The following TMEM132B variants were observed in gnomAD, a reference collection of about 807,000 sequenced individuals.
TMEM132B encodes transmembrane protein 132B.
TMEM132B carries 18 observed loss-of-function variants against 90.8 expected under a neutral mutation model. The observed-to-expected ratio is 0.20, with a 90% CI of 0.14 to 0.29. The LOEUF is 0.29. TMEM132B is among the 10% of genes least tolerant of loss of function. The probability of loss-of-function intolerance (pLI) is 1.00; values close to 1 mark genes in which losing one functional copy is unlikely to be tolerated. For synonymous variants in TMEM132B, 504 were observed against 523.3 expected (o/e 0.96, Z 0.50); for missense variants, 1,096 against 1,326.8 (o/e 0.83, Z 2.70).
At chr12:125,269,128 C>T (rs1565987916) in intron 1 of TMEM132B, among the ~76,000 whole-genome samples, 1 of 152,226 alleles carries the variant, frequency 6.6e-6, no homozygotes, top group African/African-American at 2.4e-5. Context: ...TTCCCAGATA[C>T]ACCTCTGATT....
chr12:125,272,578 A>C (rs925742802), intron 1 of TMEM132B, among the ~76,000 whole-genome samples: 6 of 152,212 alleles, frequency 3.9e-5, no homozygotes, highest in African/African-American at 7.2e-5. Flanking sequence ...GATTAAAAAA[A>C]AAATAAACTC....
intron 3 of TMEM132B, among the ~76,000 whole-genome samples, chr12:125,503,738 G>T (rs1326702833): frequency 6.6e-6 from 1 of 152,174 alleles, no homozygotes; most frequent in Non-Finnish European, 1.5e-5. Flanking sequence ...GAGATGAAAG[G>T]AAAGAATCCA....
intron 3 of TMEM132B, among the ~76,000 whole-genome samples, chr12:125,427,472 G>A (rs149248989): frequency 0.011 from 1,690 of 152,336 alleles, 30 homozygotes; most frequent in African/African-American, 0.037. Flanking sequence ...GCAGTGCCTG[G>A]CACAGAGTAG....
intron 1 of TMEM132B, among the ~76,000 whole-genome samples, chr12:125,303,012 G>A (rs1001232620): frequency 7.2e-5 from 11 of 151,932 alleles, no homozygotes; most frequent in African/African-American, 2.7e-4. Context: ...CAGGAGAATC[G>A]CTTGAACCCA....
At chr12:125,284,614 G>A (rs893409665) in intron 1 of TMEM132B, among the ~76,000 whole-genome samples, 1 of 152,130 alleles carries the variant, frequency 6.6e-6, no homozygotes, top group Admixed American at 6.5e-5. Context: ...ATTTCATCAC[G>A]TGGATATACC....
intron 4 of TMEM132B, among the ~76,000 whole-genome samples, chr12:125,562,517 T>G (rs1426411496): frequency 1.3e-5 from 2 of 152,214 alleles, no homozygotes; most frequent in African/African-American, 4.8e-5. Flanking sequence ...GCTTAATCAT[T>G]TCTAGCTTTT....
At chr12:125,505,031 TAAC>T (rs1375479985) in intron 3 of TMEM132B, among the ~76,000 whole-genome samples, 1 of 151,954 alleles carries the variant, frequency 6.6e-6, no homozygotes, top group East Asian at 1.9e-4. Context: ...AATAAAAAAG[TAAC>T]AACATGATTC....
rs116115541 is a variant in TMEM132B, at chr12:125,328,124, G to A, written c.68-21328G>A. On this transcript the variant is annotated intron_variant, in intron 1 of 8. Transcript: ENST00000682704. ...CCATTCTCCGTAATAGCAGAGTGAT[G>A]TCTTAACCGTGTTATATCAAGTGGT... Among the ~76,000 whole-genome samples, 163 of 152,338 alleles carry A rather than the reference G, an allele frequency of 1.1e-3. 1 individual carries two copies. The highest frequency in any genetic ancestry group is 3.8e-3 in the African/African-American group (158 of 41,582).
rs60350192 is a variant in TMEM132B at position 125,453,076 on chromosome 12, A to AACACACAC, written c.1106+37431_1106+37438dup. Among the ~76,000 whole-genome samples, 104 of 143,790 alleles carry AACACACAC rather than the reference A, an allele frequency of 7.2e-4. 2 individuals are homozygous for AACACACAC. The highest frequency in any genetic ancestry group is 6.9e-3 in the Middle Eastern group (2 of 290). The allele number at this position is 143,790 out of a possible 152,430, so 94.3% of individuals were successfully genotyped here. ...CTGTTTGTTTTTTGCATTTCAGTAA[A>AACACACAC]ACACACACACACACACACACACACA... is the stretch of plus-strand genomic sequence containing the variant. On this transcript the variant is annotated intron_variant, in intron 3 of 8. Coordinates refer to ENST00000682704, the MANE Select transcript of TMEM132B (RefSeq NM_001366854.1).
intron 1 of TMEM132B, among the ~76,000 whole-genome samples, chr12:125,332,772 C>T (rs987751090): frequency 2.0e-5 from 3 of 152,022 alleles, no homozygotes; most frequent in Non-Finnish European, 4.4e-5. Flanking sequence ...CTTCTCTTTG[C>T]AACAGCCACT....
chr12:125,395,867 A>G (rs1020283839), intron 2 of TMEM132B, among the ~76,000 whole-genome samples: 2 of 152,070 alleles, frequency 1.3e-5, no homozygotes, highest in Admixed American at 6.6e-5. Flanking sequence ...CGGGTGGTAG[A>G]CTCTTGCAGT....
chr12:125,508,974 G>A (rs916638850), intron 3 of TMEM132B, among the ~76,000 whole-genome samples: 1 of 151,774 alleles, frequency 6.6e-6, no homozygotes, highest in Non-Finnish European at 1.5e-5. Context: ...GGTAGAGACG[G>A]GGTTTCACCA....
intron 3 of TMEM132B, among the ~76,000 whole-genome samples, chr12:125,451,359 T>C (rs538425981): frequency 6.6e-6 from 1 of 152,166 alleles, no homozygotes; most frequent in Admixed American, 6.5e-5. Context: ...GTACAAAAAG[T>C]GTATACATAC....
intron 3 of TMEM132B, among the ~76,000 whole-genome samples, chr12:125,475,712 T>C (rs1881857589): frequency 6.6e-6 from 1 of 152,188 alleles, no homozygotes; most frequent in Non-Finnish European, 1.5e-5. Flanking sequence ...TTGTGGGACC[T>C]TGTGATCATG....
Position 125,350,053 on chromosome 12 carries a change from C to T in TMEM132B, c.669C>T (p.Phe223=), listed in dbSNP as rs1877507128. 1 of 1,614,236 alleles carries T rather than the reference C, an allele frequency of 6.2e-7. No homozygotes were observed. The highest frequency in any genetic ancestry group is 8.5e-7 in the Non-Finnish European group (1 of 1,180,038). The part of the protein sequence containing the change: ...ALLGGTTMEL[F]FTLYPADKAG... The stretch of plus-strand genomic sequence containing the variant: ...TCGGGGGCACCACGATGGAGCTCTT[C>T]TTCACGCTCTACCCAGCTGACAAGG... The change falls in exon 2 of 9, where the codon TTC becomes TTT. Residue 223 remains phenylalanine, a synonymous_variant. Coordinates refer to ENST00000682704, the MANE Select transcript of TMEM132B (RefSeq NM_001366854.1).
chr12:125,225,603 T>TG (rs1440950901), intron 1 of TMEM132B, among the ~76,000 whole-genome samples: 1 of 152,196 alleles, frequency 6.6e-6, no homozygotes, highest in African/African-American at 2.4e-5. Context: ...TCTCAGTGGT[T>TG]TAGTCCAATA....
At chr12:125,628,587 G>T (rs550939018) in intron 5 of TMEM132B, among the ~76,000 whole-genome samples, 1 of 151,918 alleles carries the variant, frequency 6.6e-6, no homozygotes, top group Non-Finnish European at 1.5e-5. Flanking sequence ...TTTCTATCCC[G>T]TTCTGTGGGT....
chr12:125,216,630 C>T (rs1179022687), intron 1 of TMEM132B, among the ~76,000 whole-genome samples: 1 of 152,192 alleles, frequency 6.6e-6, no homozygotes, highest in Non-Finnish European at 1.5e-5. Flanking sequence ...ATTCTCTCTG[C>T]TCTGTGAGTG....
At chr12:125,503,760 C>T (rs1012634671) in intron 3 of TMEM132B, among the ~76,000 whole-genome samples, 3 of 152,222 alleles carry the variant, frequency 2.0e-5, no homozygotes, top group Non-Finnish European at 2.9e-5. Flanking sequence ...CTTCTTACCA[C>T]TATAATTGAT....
Sources: gnomAD v4.1 joint callset for allele counts (sites outside exome capture counted in the v4.1 genomes callset) on GRCh38, gnomAD v4.1.1 for gene constraint, MANE v1.5 for transcripts, NCBI Gene and HGNC (gene_info 2026-07-23, HGNC 2026-07-21) for gene names.